PLEKHG5: variants seen among roughly 807,000 people sequenced by gnomAD.
PLEKHG5 encodes pleckstrin homology and RhoGEF domain containing G5.
A neutral mutation model predicts 103.8 loss-of-function variants in PLEKHG5; 52 were observed. That is an observed-to-expected ratio of 0.50 (90% confidence interval 0.40 to 0.63). The LOEUF (loss-of-function observed/expected upper bound fraction) is 0.63. Among genes scored for constraint, PLEKHG5 ranks in the 30% least tolerant of loss-of-function variants. The pLI is 0.00. For missense variants in PLEKHG5, 1,205 were observed against 1,347.6 expected, an observed-to-expected ratio of 0.89 and a Z score of 1.66; for synonymous variants, 592 against 575.5, an observed-to-expected ratio of 1.03 and a Z score of -0.41.
rs572477005 is a variant in PLEKHG5 at position 6,501,733 on chromosome 1, C to T, written c.-164-5164G>A. 9.9e-5 allele frequency among the ~76,000 whole-genome samples: 15 copies of T among 152,262 alleles called. No homozygotes were observed. The highest frequency in any genetic ancestry group is 2.4e-4 in the African/African-American group (10 of 41,546). Reference sequence around the variant, plus strand: ...AAGCCTCCAAGCCTGTGCTCCTAACCGCCAGGCTACAGTGCTCCCATGGGG... The same window carrying T: ...AAGCCTCCAAGCCTGTGCTCCTAACTGCCAGGCTACAGTGCTCCCATGGGG... On this transcript the variant is annotated intron_variant, in intron 1 of 21. Transcript: ENST00000377740. The surrounding 1 kb of genome is among the most constrained non-coding windows in gnomAD (Gnocchi z 4.3).
intron 7 of PLEKHG5, 23 bp downstream of exon 7, chr1:6,473,990 C>A: frequency 6.4e-7 from 1 of 1,551,612 alleles, no homozygotes; most frequent in East Asian, 2.4e-5. Flanking sequence ...ACCCCCTCCC[C>A]TGACACACCC....
At chr1:6,500,116 A>G (rs1645279153), upstream of PLEKHG5, among the ~76,000 whole-genome samples, 1 of 152,212 alleles carries the variant, frequency 6.6e-6, no homozygotes, top group African/African-American at 2.4e-5. Context: ...TCAGCCAGTC[A>G]GATTTGCTCT....
chr1:6,507,189 G>A (rs4908553), intron 1 of PLEKHG5, among the ~76,000 whole-genome samples: 75,386 of 152,034 alleles, frequency 0.5, 20,741 homozygotes, highest in Admixed American at 0.65. Flanking sequence ...CGGTATCCAC[G>A]TGACCTGTGC....
At position 6,487,417 on chromosome 1, in the gene PLEKHG5, AACAGGC is replaced by A. The variant is rs1192107755; in HGVS notation, c.-88+4214_-88+4219del. 2.0e-5 allele frequency among the ~76,000 whole-genome samples: 3 copies of A among 152,198 alleles called. No homozygotes were observed. Among genetic ancestry groups the A allele is most frequent in the Non-Finnish European group, 4.4e-5 (3 of 68,040 alleles). Reference sequence around the variant, plus strand: ...CAGGCATGAGCCACCACACCCGGCCAACAGGCAGAGTTTTGAAAACTAAAACTTCCC... The same window carrying A: ...CAGGCATGAGCCACCACACCCGGCCAAGAGTTTTGAAAACTAAAACTTCCC... On this transcript the variant is annotated intron_variant, in intron 1 of 20. Transcript: ENST00000377728. This position sits in a 1 kb window ranked among gnomAD's most constrained non-coding sequence, Gnocchi z 4.1.
intron 1 of PLEKHG5, among the ~76,000 whole-genome samples, chr1:6,479,915 T>A (rs1447532467): frequency 6.6e-6 from 1 of 152,170 alleles, no homozygotes; most frequent in East Asian, 1.9e-4. Flanking sequence ...CTGGCTGACC[T>A]TGACATTTTG....
exon 1 of PLEKHG5, chr1:6,519,453 G>C (rs759203615): frequency 1.2e-6 from 2 of 1,612,600 alleles, no homozygotes; most frequent in Admixed American, 3.3e-5. Flanking sequence ...ACCGGTTCCT[G>C]AACAAAGGCT....
upstream of PLEKHG5, among the ~76,000 whole-genome samples, chr1:6,492,986 T>A (rs1362638331): frequency 6.7e-6 from 1 of 149,750 alleles, no homozygotes; most frequent in African/African-American, 2.5e-5. Context: ...TCAGCTGTCC[T>A]CCATCTCAGT....
intron 5 of PLEKHG5, chr1:6,474,791 C>A: frequency 1.5e-6 from 1 of 663,756 alleles, no homozygotes. Context: ...CTGCATACCA[C>A]GGCAGACCTG....
In PLEKHG5 at chr1:6,491,166, C is replaced by T. The variant is rs1361623418; in HGVS notation, c.-88+471G>A. 6.6e-6 allele frequency among the ~76,000 whole-genome samples: 1 copy of T among 152,010 alleles called. No individual in the cohort carries two copies. Among genetic ancestry groups the T allele is most frequent in the Non-Finnish European group, 1.5e-5 (1 of 68,008 alleles). Reference sequence around the variant, plus strand: ...TCTGCCATTTAGTGGTTCCCAGTTCCCCTCTCCCAGCAGCGGGAGTTTAGA... The same window carrying T: ...TCTGCCATTTAGTGGTTCCCAGTTCTCCTCTCCCAGCAGCGGGAGTTTAGA... On this transcript the variant is annotated intron_variant, in intron 1 of 20. Coordinates refer to ENST00000377728, the MANE Select transcript of PLEKHG5 (RefSeq NM_020631.6). The surrounding 1 kb of genome is among the most constrained non-coding windows in gnomAD (Gnocchi z 4.1).
At chr1:6,483,384 A>G (rs1644947971) in intron 1 of PLEKHG5, among the ~76,000 whole-genome samples, 1 of 152,190 alleles carries the variant, frequency 6.6e-6, no homozygotes, top group African/African-American at 2.4e-5. Flanking sequence ...GCTTGAAGTG[A>G]GGGTGATGGG....
rs762035101 is a variant in PLEKHG5 at position 6,469,053 on chromosome 1, G to T, written c.2238C>A (p.Asp746Glu). 1 of 1,613,726 alleles carries T rather than the reference G, an allele frequency of 6.2e-7. No homozygotes were observed. Among genetic ancestry groups the T allele is most frequent in the Non-Finnish European group, 8.5e-7 (1 of 1,179,888 alleles). Residue 746 changes from aspartate (D) to glutamate (E), a missense_variant, in exon 19 of 21, where the codon GAC becomes GAA. Physicochemically the swap from Asp to Glu is conservative, Grantham distance 45. Transcript: ENST00000377728. ...TIMRKSSGSPDSQHCASDGST... is the reference protein window; with the variant it reads ...TIMRKSSGSPESQHCASDGST... The stretch of plus-strand genomic sequence containing the variant: ...ATGAGCAGACGTACCAGTGCTGAGA[G>T]TCGGGGCTGCCGCTGCTTTTCCGCA...
rs770934745 is a variant in PLEKHG5 at position 6,470,763 on chromosome 1, G to A, written c.1514C>T (p.Pro505Leu). 1.3e-5 allele frequency: 21 copies of A among 1,564,230 alleles called. No individual in the cohort carries two copies. Among genetic ancestry groups the A allele is most frequent in the Non-Finnish European group, 1.7e-5 (20 of 1,155,970 alleles). ...LKSVLRKTEE[P>L]RAKEAVVAMI... is the part of the protein sequence containing the mutation. ...GGCGACGACGGCCTCCTTGGCGCGCGGCTCCTCGGTCTTCCTCAGCACCGA... is the reference window on the plus strand; with the variant it reads ...GGCGACGACGGCCTCCTTGGCGCGCAGCTCCTCGGTCTTCCTCAGCACCGA... The change falls in exon 14 of 21, where the codon CCG becomes CTG. Residue 505 changes from proline (P) to leucine (L), a missense_variant. By Grantham distance (98) the Pro-to-Leu change is moderately conservative. Coordinates refer to ENST00000377728, the MANE Select transcript of PLEKHG5 (RefSeq NM_020631.6).
chr1:6,470,815 G>A lies in PLEKHG5; in HGVS notation c.1462C>T (p.Leu488Phe). ...TTGAGCAGCAGCGGGTACTTGGTGA[G>A]CCGCTGGTGGGGTTTGGCCAGCATG... ...SDMLAKPHQR[L>F]TKYPLLLKSV... Residue 488 changes from leucine (L) to phenylalanine (F), a missense_variant, in exon 14 of 21, where the codon CTC becomes TTC. By Grantham distance (22) the Leu-to-Phe change is conservative (BLOSUM62 0). Transcript: ENST00000377728. The A allele has an allele frequency of 1.3e-6, 2 of 1,577,414 alleles. No individual in the cohort carries two copies. Among genetic ancestry groups the A allele is most frequent in the Non-Finnish European group, 1.7e-6 (2 of 1,161,962 alleles).
Position 6,468,012 on chromosome 1 carries a change from CTAGCCCAGG to C in PLEKHG5, c.2815_2823del (p.Pro939_Leu941del), listed in dbSNP as rs1318059988. On this transcript the variant is annotated inframe_deletion, in exon 20 of 21. Coordinates refer to ENST00000377728, the MANE Select transcript of PLEKHG5 (RefSeq NM_020631.6). ...GCAGGTTCCCCGGCCAGGCAGCCGA[CTAGCCCAGG>C]ACCGCTGCCAGGGCTAGGGGCCCCT... is the stretch of plus-strand genomic sequence containing the variant. 1 of 1,554,498 alleles carries C rather than the reference CTAGCCCAGG, an allele frequency of 6.4e-7. No individual in the cohort carries two copies. The highest frequency in any genetic ancestry group is 1.9e-5 in the Admixed American group (1 of 51,850).
rs896376263 is a variant in PLEKHG5, at chr1:6,509,505, G to A, written c.-165+9940C>T. Among the ~76,000 whole-genome samples the A allele has an allele frequency of 3.9e-5, 6 of 152,314 alleles. No homozygotes were observed. In the East Asian group the frequency reaches 1.2e-3, roughly 29 times the overall value. On this transcript the variant is annotated intron_variant, in intron 1 of 21. Transcript: ENST00000377740. ...GGGGCCAAAAGAGGAAGAGAAACAG[G>A]TGGCAGGACCCGGCCATCGACCCCC... is the stretch of plus-strand genomic sequence containing the variant.
At chr1:6,478,923 C>T (rs1173617041) in intron 1 of PLEKHG5, among the ~76,000 whole-genome samples, 2 of 152,194 alleles carry the variant, frequency 1.3e-5, no homozygotes, top group Admixed American at 6.5e-5. Flanking sequence ...GGATTACAGG[C>T]GTGAGCCACC....
chr1:6,482,019 G>A (rs751531359), intron 1 of PLEKHG5, among the ~76,000 whole-genome samples: 9 of 151,148 alleles, frequency 6.0e-5, no homozygotes, highest in African/African-American at 1.5e-4. Flanking sequence ...CCTCCTGGTC[G>A]TTCCGGGACA....
In PLEKHG5 at chr1:6,489,640, C is replaced by T. The variant is rs114488490; in HGVS notation, c.-88+1997G>A. ...GCACCTGGACTAGCAAGCCCTTCCCCGGTGCAACTTAGAAGCCTCCTTGGT... is the reference window on the plus strand; with the variant it reads ...GCACCTGGACTAGCAAGCCCTTCCCTGGTGCAACTTAGAAGCCTCCTTGGT... On this transcript the variant is annotated intron_variant, in intron 1 of 20. Coordinates refer to ENST00000377728, the MANE Select transcript of PLEKHG5 (RefSeq NM_020631.6). Among the ~76,000 whole-genome samples, 139 of 152,306 alleles carry T rather than the reference C, an allele frequency of 9.1e-4. 1 individual carries two copies. The highest frequency in any genetic ancestry group is 1.5e-3 in the Non-Finnish European group (100 of 68,012).
Position 6,474,506 on chromosome 1 carries a change from G to A in PLEKHG5, c.384C>T (p.Pro128=). 6.2e-7 allele frequency: 1 copy of A among 1,613,986 alleles called. No homozygotes were observed. The highest frequency in any genetic ancestry group is 8.5e-7 in the Non-Finnish European group (1 of 1,179,984). ...TGTAGGCCTCGAAGGTGAGGGACAGGGGTGTGTTGGACTGGTCCAGGTAGA... is the reference window on the plus strand; with the variant it reads ...TGTAGGCCTCGAAGGTGAGGGACAGAGGTGTGTTGGACTGGTCCAGGTAGA... The part of the protein sequence containing the change: ...VDIYLDQSNT[P]LSLTFEAYRF... The change falls in exon 6 of 21, where the codon CCC becomes CCT. Residue 128 remains proline, a synonymous_variant. Coordinates refer to ENST00000377728, the MANE Select transcript of PLEKHG5 (RefSeq NM_020631.6).
Sources: allele counts gnomAD v4.1 joint callset (sites outside exome capture counted in the v4.1 genomes callset), GRCh38; gene constraint gnomAD v4.1.1; non-coding constraint Gnocchi (gnomAD v3.1); transcripts MANE v1.5; gene names NCBI Gene and HGNC (gene_info 2026-07-23, HGNC 2026-07-21).